SLC36A1: variants seen among roughly 807,000 people sequenced by gnomAD.
SLC36A1 encodes proton-coupled amino acid transporter 1.
In SLC36A1, 30 loss-of-function variants were observed where a neutral mutation model predicts 47.5. The observed-to-expected ratio is 0.63, with a 90% CI of 0.47 to 0.86. The LOEUF is 0.86. Ranked by LOEUF, SLC36A1 falls within the 40% of genes least tolerant of loss-of-function variation. The pLI, the probability that SLC36A1 is intolerant of heterozygous loss-of-function variation, is 0.00. For missense variants in SLC36A1, 517 were observed against 606.0 expected, an observed-to-expected ratio of 0.85 and a Z score of 1.54; for synonymous variants, 255 against 249.7, an observed-to-expected ratio of 1.02 and a Z score of -0.20.
At chr5:151,479,286 G>A in intron 9 of SLC36A1, 34 bp from the exon 10 acceptor site, 1 of 1,607,518 alleles carries the variant, frequency 6.2e-7, no homozygotes. Flanking sequence ...AGTGTGCTGA[G>A]CAGGCTTGGA....
intron 4 of SLC36A1, 88 bp downstream of exon 4, chr5:151,464,690 A>C (rs1333846794): frequency 1.0e-5 from 11 of 1,087,664 alleles, no homozygotes; most frequent in Non-Finnish European, 1.5e-5. Context: ...GATGCAGACC[A>C]CTCTCAATTC....
chr5:151,531,366 C>T, the SLC36A1 span, among the ~76,000 whole-genome samples: 5 of 152,018 alleles, frequency 3.3e-5, no homozygotes, highest in Admixed American at 6.5e-5. The surrounding 1 kb of genome is among the most constrained non-coding windows in gnomAD (Gnocchi z 5.7). Context: ...TGGCTGCGGA[C>T]GTGGGAGGGT....
intron 1 of SLC36A1, among the ~76,000 whole-genome samples, chr5:151,448,185 C>T (rs1464188919): frequency 1.3e-5 from 2 of 152,154 alleles, no homozygotes; most frequent in African/African-American, 4.8e-5. Context: ...GCAGCTCCCT[C>T]CTAGGACAGT....
At chr5:151,537,185 AAGAG>A in the SLC36A1 span, among the ~76,000 whole-genome samples, 15 of 151,648 alleles carry the variant, frequency 9.9e-5, no homozygotes, top group South Asian at 6.3e-4. Context: ...AGAAAGAAAG[AAGAG>A]AGAGAGAGAG....
At chr5:151,526,397 T>C in the SLC36A1 span, among the ~76,000 whole-genome samples, 2 of 152,358 alleles carry the variant, frequency 1.3e-5, no homozygotes, top group East Asian at 1.9e-4. Context: ...GCATGCAATA[T>C]GTATCTGATA....
chr5:151,438,374 G>A (rs1759899940), intron 1 of SLC36A1, among the ~76,000 whole-genome samples: 1 of 150,720 alleles, frequency 6.6e-6, no homozygotes, highest in Non-Finnish European at 1.5e-5. Flanking sequence ...TGAGATCAAA[G>A]AACAGGCTGT....
At chr5:151,486,478 G>T (rs1759566173) in intron 10 of SLC36A1, among the ~76,000 whole-genome samples, 1 of 152,132 alleles carries the variant, frequency 6.6e-6, no homozygotes, top group South Asian at 2.1e-4. Context: ...ATCAACTTTA[G>T]ACATTTCAGT....
chr5:151,363,914 G>A, the SLC36A1 span, among the ~76,000 whole-genome samples: 2 of 152,164 alleles, frequency 1.3e-5, no homozygotes, highest in Non-Finnish European at 2.9e-5. Context: ...AGTGTCACAT[G>A]GTATTATAAG....
At chr5:151,497,880 G>T in the SLC36A1 span, among the ~76,000 whole-genome samples, 4,323 of 152,120 alleles carry the variant, frequency 0.028, 192 homozygotes, top group African/African-American at 0.098. Flanking sequence ...CACCTCAGCT[G>T]CCAGGAACCA....
chr5:151,463,926 G>T (rs357613), intron 3 of SLC36A1, among the ~76,000 whole-genome samples: 47,529 of 152,052 alleles, frequency 0.31, 8,156 homozygotes, highest in Non-Finnish European at 0.4. Flanking sequence ...GAGATGGCTC[G>T]AGCAGTTTCT....
rs1010151113 is a variant in SLC36A1, at chr5:151,477,081, C to A, written c.989+325C>A. ...ATAGACAGGGAGATGGGAGGGCAAA[C>A]CTGCATTTGATTCCCAGCATCGGTT... On this transcript the variant is annotated intron_variant, in intron 9 of 10. Transcript: ENST00000243389. 4 of 406,858 alleles carry A rather than the reference C, an allele frequency of 9.8e-6. No homozygotes were observed. In the Admixed American group the frequency reaches 1.3e-4, roughly 13 times the overall value. The allele number at this position is 406,858 out of a possible 1,614,324, so 25.2% of individuals were successfully genotyped here.
Position 151,488,222 on chromosome 5 carries a change from A to G in SLC36A1, c.1399A>G (p.Ile467Val). The G allele has an allele frequency of 6.2e-7, 1 of 1,614,104 alleles. No individual in the cohort carries two copies. The highest frequency in any genetic ancestry group is 8.5e-7 in the Non-Finnish European group (1 of 1,180,006). ...YELIQPSNAP[I>V]FINSTCAFI ...GCTGATCCAGCCAAGCAATGCTCCC[A>G]TCTTCATCAATTCCACCTGTGCCTT... Residue 467 changes from isoleucine to valine, a missense_variant, in exon 11 of 11, where the codon ATC becomes GTC. Physicochemically the swap from Ile to Val is conservative, Grantham distance 29 (BLOSUM62 3). Coordinates refer to ENST00000243389, the MANE Select transcript of SLC36A1 (RefSeq NM_078483.4).
At chr5:151,423,105 A>G in the SLC36A1 span, among the ~76,000 whole-genome samples, 42 of 152,376 alleles carry the variant, frequency 2.8e-4, 1 homozygote, top group African/African-American at 8.4e-4. Flanking sequence ...ACCTATTAGA[A>G]CAATCAAAAT....
chr5:151,430,411 C>T, the SLC36A1 span, among the ~76,000 whole-genome samples: 1 of 149,224 alleles, frequency 6.7e-6, no homozygotes, highest in African/African-American at 2.5e-5. Context: ...GCAACCTCCG[C>T]CTCCTGGGTT....
chr5:151,461,437 G>A (rs957272428), intron 2 of SLC36A1, among the ~76,000 whole-genome samples: 6 of 152,026 alleles, frequency 3.9e-5, no homozygotes, highest in African/African-American at 1.2e-4. Context: ...TATATATCAA[G>A]CCTCCGTGCT....
the SLC36A1 span, among the ~76,000 whole-genome samples, chr5:151,390,672 C>A: frequency 6.6e-6 from 1 of 152,158 alleles, no homozygotes; most frequent in Non-Finnish European, 1.5e-5. Context: ...GAATCCTTTC[C>A]CCATTTCTTG....
chr5:151,549,306 G>A, the SLC36A1 span: 1 of 1,612,916 alleles, frequency 6.2e-7, no homozygotes, highest in South Asian at 1.1e-5. Context: ...TTTCAGGAGG[G>A]AGTAGTGGAC....
the SLC36A1 span, among the ~76,000 whole-genome samples, chr5:151,368,475 C>G: frequency 6.6e-6 from 1 of 152,192 alleles, no homozygotes; most frequent in African/African-American, 2.4e-5. Context: ...AAGTGGGATG[C>G]AAAGTGACTC....
chr5:151,502,915 G>T, the SLC36A1 span, among the ~76,000 whole-genome samples: 1 of 148,150 alleles, frequency 6.7e-6, no homozygotes, highest in Non-Finnish European at 1.5e-5. Flanking sequence ...GCACTACAAA[G>T]AAATGATCAA....
Sources: gnomAD v4.1 joint callset for allele counts (sites outside exome capture counted in the v4.1 genomes callset) on GRCh38, gnomAD v4.1.1 for gene constraint, Gnocchi (gnomAD v3.1) non-coding constraint, MANE v1.5 for transcripts, NCBI Gene and HGNC (gene_info 2026-07-23, HGNC 2026-07-21) for gene names.